Variants in SH2D6 observed in about 807,000 individuals in gnomAD.
SH2D6 encodes SH2 domain containing 6, also known as SH2 domain-containing protein 6.
In SH2D6, 31 loss-of-function variants were observed where a neutral mutation model predicts 30.2. The observed-to-expected ratio is 1.03, with a 90% CI of 0.77 to 1.38. The LOEUF is 1.38. Among genes scored for constraint, SH2D6 ranks in the 40% most tolerant of loss-of-function variants. The pLI, the probability that SH2D6 is intolerant of heterozygous loss-of-function variation, is 0.00. For synonymous variants in SH2D6, 93 were observed against 104.6 expected, an observed-to-expected ratio of 0.89 and a Z score of 0.68; for missense variants, 240 against 266.8, an observed-to-expected ratio of 0.90 and a Z score of 0.70.
At chr2:85,435,963 G>T in intron 22 of SH2D6, 139 bp downstream of exon 22, 1 of 1,237,298 alleles carries the variant, frequency 8.1e-7, no homozygotes, top group Non-Finnish European at 1.1e-6. Flanking sequence ...CCAGAGCCCT[G>T]AACTCCTTCC....
intron 19 of SH2D6, 186 bp from the exon 20 acceptor site, chr2:85,434,879 T>C: frequency 6.4e-7 from 1 of 1,553,382 alleles, no homozygotes; most frequent in Non-Finnish European, 8.7e-7. Context: ...ACACGAGGCC[T>C]GGCTGGTGGG....
In SH2D6 at chr2:85,435,064, G is replaced by A; in HGVS notation, c.590-1G>A. On this transcript the variant is annotated splice_acceptor_variant, in intron 19 of 23. Transcript: ENST00000469800. LOFTEE classifies it high-confidence loss of function. ...CCAGCTCAATAATCTGCTTCTTCTA[G>A]AAGGAAGGAAATCGTCTCTTCCCTC... The A allele has an allele frequency of 2.2e-6, 3 of 1,387,292 alleles. No individual in the cohort carries two copies. The highest frequency in any genetic ancestry group is 2.9e-6 in the Non-Finnish European group (3 of 1,046,094). The allele number at this position is 1,387,292 out of a possible 1,614,324, so 85.9% of individuals were successfully genotyped here. A position where few individuals can be genotyped will look rare whatever the true frequency, so the allele number is the denominator to read the frequency against.
At chr2:85,419,380 T>C (rs1687663636) in intron 2 of SH2D6, 136 bp downstream of exon 2, 1 of 152,314 alleles carries the variant, frequency 6.6e-6, no homozygotes, top group Admixed American at 6.5e-5. Flanking sequence ...CCCAAGGAGC[T>C]TCTGAGGCGC....
intron 2 of SH2D6, among the ~76,000 whole-genome samples, chr2:85,421,069 A>G (rs1464494847): frequency 6.6e-6 from 1 of 152,244 alleles, no homozygotes; most frequent in Non-Finnish European, 1.5e-5. Flanking sequence ...AGTCTCTCCT[A>G]ACGGGGAGGG....
intron 15 of SH2D6, 115 bp downstream of exon 15, chr2:85,433,236 C>T (rs1029361091): frequency 2.5e-5 from 19 of 764,982 alleles, no homozygotes; most frequent in Non-Finnish European, 3.0e-5. Context: ...AGGGAAAAGG[C>T]CCAGAGCAGG....
chr2:85,422,048 A>G (rs1687769091), intron 2 of SH2D6, 155 bp from the exon 3 acceptor site: 1 of 152,244 alleles, frequency 6.6e-6, no homozygotes, highest in African/African-American at 2.4e-5. Flanking sequence ...GCCAAGGTGG[A>G]AGGGAGAGGG....
Position 85,436,411 on chromosome 2 carries a change from A to G in SH2D6, c.892-55A>G, listed in dbSNP as rs894527640. ...CAGAGTCCCACAGTTGCCTCAGGAA[A>G]TTGCTCCCAGCATGAGGCTCATGGG... On this transcript the variant is annotated intron_variant, in intron 22 of 23. Coordinates refer to ENST00000469800, the MANE Select transcript of SH2D6 (RefSeq NM_001394463.1). 12 of 1,363,166 alleles carry G rather than the reference A, an allele frequency of 8.8e-6. No individual in the cohort carries two copies. The African/African-American group carries it at 1.1e-4, about 13-fold the overall frequency. 84.4% of individuals were successfully genotyped at this position (1,363,166 alleles called of 1,614,324 possible).
rs555812856 is a variant in SH2D6 at position 85,435,779 on chromosome 2, C to T, written c.846C>T (p.Gly282=). The part of the protein sequence containing the change: ...VFNIPIRRLD[G]GRHYALGREG... Reference sequence around the variant, plus strand: ...ACATTCCCATCCGGCGGCTGGATGGCGGACGCCACTATGCCCTGGGCCGGG... The same window carrying T: ...ACATTCCCATCCGGCGGCTGGATGGTGGACGCCACTATGCCCTGGGCCGGG... The change falls in exon 22 of 24, where the codon GGC becomes GGT. Residue 282 remains glycine, a synonymous_variant. Transcript: ENST00000469800. 79 of 1,606,074 alleles carry T rather than the reference C, an allele frequency of 4.9e-5. No individual in the cohort carries two copies. The Middle Eastern group carries it at 8.3e-4, about 17-fold the overall frequency.
At chr2:85,424,228 A>T (rs902849507) in intron 5 of SH2D6, among the ~76,000 whole-genome samples, 1 of 151,676 alleles carries the variant, frequency 6.6e-6, no homozygotes, top group African/African-American at 2.4e-5. Flanking sequence ...TGTCATCAGT[A>T]CCTCTCTTCC....
chr2:85,420,494 C>T (rs1323090242), intron 2 of SH2D6, among the ~76,000 whole-genome samples: 1 of 152,206 alleles, frequency 6.6e-6, no homozygotes, highest in African/African-American at 2.4e-5. Context: ...TCGCACCAGA[C>T]CCTCAAGTCA....
Position 85,432,699 on chromosome 2 carries a change from C to T in SH2D6, c.371-400C>T, listed in dbSNP as rs190702901. Reference sequence around the variant, plus strand: ...ACAGGCGTGAGCCACCGCGCCCGGCCGAATTTTTGTATTTTTAGTAGAGAC... The same window carrying T: ...ACAGGCGTGAGCCACCGCGCCCGGCTGAATTTTTGTATTTTTAGTAGAGAC... On this transcript the variant is annotated intron_variant, in intron 14 of 23. Transcript: ENST00000469800. Among the ~76,000 whole-genome samples the T allele has an allele frequency of 2.0e-3, 299 of 151,886 alleles. 2 individuals carry two copies. Among genetic ancestry groups the T allele is most frequent in the African/African-American group, 6.6e-3 (275 of 41,486 alleles).
At chr2:85,436,726 GCCTGGAGGCCCAGGGAAGGGT>G in intron 23 of SH2D6, 90 bp from the exon 24 acceptor site, 1 of 696,730 alleles carries the variant, frequency 1.4e-6, no homozygotes, top group Middle Eastern at 3.6e-4. Context: ...GGGAAAGCCT[GCCTGGAGGCCCAGGGAAGGGT>G]CCTGGAGACC....
At chr2:85,436,272 G>C (rs910514852) in intron 22 of SH2D6, among the ~76,000 whole-genome samples, 194 bp from the exon 23 acceptor site, 6 of 152,228 alleles carry the variant, frequency 3.9e-5, no homozygotes, top group Non-Finnish European at 8.8e-5. Flanking sequence ...GTGCCCATGG[G>C]TGCAGCAGCA....
At chr2:85,433,740 C>A in intron 16 of SH2D6, 109 bp downstream of exon 16, 1 of 852,780 alleles carries the variant, frequency 1.2e-6, no homozygotes, top group Non-Finnish European at 1.6e-6. Context: ...TCTCACCACC[C>A]CCCACCAACA....
intron 14 of SH2D6, among the ~76,000 whole-genome samples, chr2:85,432,409 GTTTT>G (rs931733200): frequency 6.9e-6 from 1 of 145,868 alleles, no homozygotes; most frequent in African/African-American, 2.5e-5. Context: ...GTTTTGTTTT[GTTTT>G]TTTTTTGAGA....
chr2:85,432,285 T>G (rs1023756107), intron 14 of SH2D6, among the ~76,000 whole-genome samples: 2 of 151,762 alleles, frequency 1.3e-5, no homozygotes, highest in Non-Finnish European at 2.9e-5. Flanking sequence ...TCTCGCTCTG[T>G]TACCCATGCT....
intron 7 of SH2D6, among the ~76,000 whole-genome samples, chr2:85,428,997 G>C (rs1233243066): frequency 6.6e-6 from 1 of 152,214 alleles, no homozygotes; most frequent in Non-Finnish European, 1.5e-5. Flanking sequence ...CTAAATATGA[G>C]AACTTCTTTC....
chr2:85,426,996 G>A (rs150146435), intron 6 of SH2D6, among the ~76,000 whole-genome samples: 159 of 152,356 alleles, frequency 1.0e-3, no homozygotes, highest in Middle Eastern at 3.4e-3. Context: ...CTGGGTGGTG[G>A]GGAGAACTGC....
chr2:85,434,317 G>C (rs2104941119), intron 17 of SH2D6, 23 bp from the exon 18 acceptor site: 1 of 1,540,242 alleles, frequency 6.5e-7, no homozygotes, highest in South Asian at 1.2e-5. Flanking sequence ...CCTGAGTTCT[G>C]TCCCCCGATT....
Sources: allele counts gnomAD v4.1 joint callset (sites outside exome capture counted in the v4.1 genomes callset), GRCh38; gene constraint gnomAD v4.1.1; transcripts MANE v1.5; gene names NCBI Gene and HGNC (gene_info 2026-07-23, HGNC 2026-07-21).